TNFRSF10B: variants seen among roughly 807,000 people sequenced by gnomAD.
TNFRSF10B encodes tumor necrosis factor receptor superfamily member 10B.
In TNFRSF10B, 35 loss-of-function variants were observed where a neutral mutation model predicts 41.4. The observed-to-expected ratio is 0.85, with a 90% CI of 0.65 to 1.12. The LOEUF (loss-of-function observed/expected upper bound fraction) is 1.12. TNFRSF10B is among the 50% of genes most tolerant of loss of function. The pLI, the probability that TNFRSF10B is intolerant of heterozygous loss-of-function variation, is 0.00. For synonymous variants in TNFRSF10B, 230 were observed against 215.5 expected, an observed-to-expected ratio of 1.07 and a Z score of -0.59; for missense variants, 584 against 552.7, an observed-to-expected ratio of 1.06 and a Z score of -0.57.
Position 23,037,573 on chromosome 8 carries a change from G to T in TNFRSF10B, c.250+5565C>A, listed in dbSNP as rs528402012. ...ACAGTCATGGTATTCACACAGCATT[G>T]CTTCTGATTGAGGGACTCACTTGAT... is the stretch of plus-strand genomic sequence containing the variant. On this transcript the variant is annotated intron_variant, in intron 2 of 8. Coordinates refer to ENST00000276431, the MANE Select transcript of TNFRSF10B (RefSeq NM_003842.5). 9.8e-5 allele frequency among the ~76,000 whole-genome samples: 15 copies of T among 152,298 alleles called. No individual in the cohort carries two copies. In the South Asian group the frequency reaches 3.1e-3, roughly 32 times the overall value.
rs567370509 is a variant in TNFRSF10B at position 23,027,502 on chromosome 8, C to T, written c.781-214G>A. On this transcript the variant is annotated intron_variant, in intron 6 of 8. Coordinates refer to ENST00000276431, the MANE Select transcript of TNFRSF10B (RefSeq NM_003842.5). ...AGACACCCCATCCCTAGGGTGCAGGCTGTGGGGTGAGGATGTCACCTGGGC... is the reference window on the plus strand; with the variant it reads ...AGACACCCCATCCCTAGGGTGCAGGTTGTGGGGTGAGGATGTCACCTGGGC... 6.4e-4 allele frequency: 501 copies of T among 783,794 alleles called. 2 individuals carry two copies. The highest frequency in any genetic ancestry group is 8.8e-4 in the South Asian group (52 of 59,194). The allele number at this position is 783,794 out of a possible 1,614,324, so 48.6% of individuals were successfully genotyped here. A position where few individuals can be genotyped will look rare whatever the true frequency, so the allele number is the denominator to read the frequency against.
chr8:23,024,069 G>T, intron 8 of TNFRSF10B, 119 bp downstream of exon 8: 1 of 1,294,182 alleles, frequency 7.7e-7, no homozygotes. Flanking sequence ...TATAGCACAG[G>T]ACCCACGGCT....
Position 23,022,492 on chromosome 8 carries a change from C to T in TNFRSF10B, c.*179G>A. The T allele has an allele frequency of 1.4e-6, 1 of 716,406 alleles. No individual in the cohort carries two copies. The highest frequency in any genetic ancestry group is 2.5e-6 in the Non-Finnish European group (1 of 400,164). 44.4% of individuals were successfully genotyped at this position (716,406 alleles called of 1,614,324 possible). A position where few individuals can be genotyped will look rare whatever the true frequency, so the allele number is the denominator to read the frequency against. ...TCACATTCAGCTTATAAAAATAATGCCAAGTGCAGTGAAAAGTTACAGGAT... is the reference window on the plus strand; with the variant it reads ...TCACATTCAGCTTATAAAAATAATGTCAAGTGCAGTGAAAAGTTACAGGAT... On this transcript the variant is annotated 3_prime_UTR_variant, in exon 9 of 9. Coordinates refer to ENST00000276431, the MANE Select transcript of TNFRSF10B (RefSeq NM_003842.5).
chr8:23,034,450 G>A (rs1811971468), intron 2 of TNFRSF10B, among the ~76,000 whole-genome samples: 1 of 152,162 alleles, frequency 6.6e-6, no homozygotes, highest in African/African-American at 2.4e-5. Context: ...ATACCAGATG[G>A]GCATGGTGGC....
intron 1 of TNFRSF10B, among the ~76,000 whole-genome samples, chr8:23,059,082 C>A (rs952557563): frequency 3.3e-5 from 5 of 152,116 alleles, no homozygotes; most frequent in Non-Finnish European, 7.3e-5. Flanking sequence ...CATTAGGTAC[C>A]TCAAGTGGAA....
Position 23,022,502 on chromosome 8 carries a change from T to G in TNFRSF10B, c.*169A>C. ...CTTATAAAAATAATGCCAAGTGCAGTGAAAAGTTACAGGATGTTCCATCCA... is the reference window on the plus strand; with the variant it reads ...CTTATAAAAATAATGCCAAGTGCAGGGAAAAGTTACAGGATGTTCCATCCA... On this transcript the variant is annotated 3_prime_UTR_variant, in exon 9 of 9. Coordinates refer to ENST00000276431, the MANE Select transcript of TNFRSF10B (RefSeq NM_003842.5). The G allele has an allele frequency of 1.3e-6, 1 of 741,208 alleles. No individual in the cohort carries two copies. 45.9% of individuals were successfully genotyped at this position (741,208 alleles called of 1,614,324 possible).
chr8:23,022,511 A>G lies in TNFRSF10B; in HGVS notation c.*160T>C, dbSNP rs1416910504. The G allele has an allele frequency of 2.6e-6, 2 of 766,058 alleles. No homozygotes were observed. Among genetic ancestry groups the G allele is most frequent in the Non-Finnish European group, 4.5e-6 (2 of 442,540 alleles). 47.5% of individuals were successfully genotyped at this position (766,058 alleles called of 1,614,324 possible). On this transcript the variant is annotated 3_prime_UTR_variant, in exon 9 of 9. Transcript: ENST00000276431. Reference sequence around the variant, plus strand: ...ATAATGCCAAGTGCAGTGAAAAGTTACAGGATGTTCCATCCACTGGGTGAT... The same window carrying G: ...ATAATGCCAAGTGCAGTGAAAAGTTGCAGGATGTTCCATCCACTGGGTGAT...
At chr8:23,060,144 A>G (rs1455027244) in intron 1 of TNFRSF10B, among the ~76,000 whole-genome samples, 1 of 150,942 alleles carries the variant, frequency 6.6e-6, no homozygotes, top group Non-Finnish European at 1.5e-5. Context: ...CTGATTTTCA[A>G]GAAGTCCAAA....
intron 8 of TNFRSF10B, among the ~76,000 whole-genome samples, chr8:23,023,385 AC>A (rs983690598): frequency 2.0e-5 from 3 of 152,180 alleles, no homozygotes; most frequent in African/African-American, 7.2e-5. Context: ...CAGGGCGGCC[AC>A]TTCTGCATCT....
At chr8:23,040,502 T>A (rs891510709) in intron 2 of TNFRSF10B, among the ~76,000 whole-genome samples, 1 of 146,626 alleles carries the variant, frequency 6.8e-6, no homozygotes, top group East Asian at 2.0e-4. Context: ...GAAAATATAT[T>A]TTAAAATATG....
chr8:23,063,712 C>T (rs1012419853), intron 1 of TNFRSF10B, among the ~76,000 whole-genome samples: 4 of 152,188 alleles, frequency 2.6e-5, no homozygotes, highest in Non-Finnish European at 5.9e-5. Flanking sequence ...GGACCCATCC[C>T]GAATGCTGTC....
chr8:23,032,841 A>G (rs1811919140), intron 2 of TNFRSF10B, among the ~76,000 whole-genome samples: 1 of 152,262 alleles, frequency 6.6e-6, no homozygotes, highest in South Asian at 2.1e-4. Flanking sequence ...TTTAAAAAAC[A>G]TTTGTCTGCA....
chr8:23,059,529 C>T (rs965026578), intron 1 of TNFRSF10B, among the ~76,000 whole-genome samples: 3 of 147,542 alleles, frequency 2.0e-5, no homozygotes, highest in Non-Finnish European at 4.5e-5. Context: ...TTTTTTGAGA[C>T]AGAGTCTCGT....
intron 4 of TNFRSF10B, 36 bp downstream of exon 4, chr8:23,029,574 C>G: frequency 6.3e-7 from 1 of 1,577,462 alleles, no homozygotes; most frequent in Non-Finnish European, 8.6e-7. Context: ...TTTGGGGTTC[C>G]ATGGAGCTAC....
intron 2 of TNFRSF10B, among the ~76,000 whole-genome samples, chr8:23,034,666 C>T (rs774634030): frequency 5.3e-5 from 8 of 152,186 alleles, no homozygotes; most frequent in Non-Finnish European, 1.0e-4. Flanking sequence ...GTTCAAGCTG[C>T]AGTGTGCTAT....
chr8:23,049,789 ATTGGGCAGCGAGATTCACCTGCATCTTC>A (rs1812467858), intron 1 of TNFRSF10B: 1 of 152,104 alleles, frequency 6.6e-6, no homozygotes, highest in African/African-American at 2.4e-5. Context: ...GCATCTCATT[ATTGGGCAGCGAGATTCACCTGCATCTTC>A]TTATTGGGCA....
chr8:23,048,450 A>C (rs1023173021), intron 1 of TNFRSF10B, among the ~76,000 whole-genome samples: 4 of 151,532 alleles, frequency 2.6e-5, no homozygotes, highest in East Asian at 1.9e-4. Context: ...AAAAAAAAAA[A>C]AAAAAACAAC....
chr8:23,038,571 T>C (rs1475695596), intron 2 of TNFRSF10B, among the ~76,000 whole-genome samples: 3 of 152,228 alleles, frequency 2.0e-5, no homozygotes, highest in African/African-American at 7.2e-5. Context: ...ATTTATATCA[T>C]AGTATTTAAG....
intron 1 of TNFRSF10B, among the ~76,000 whole-genome samples, chr8:23,044,705 A>G (rs1032063269): frequency 1.3e-5 from 2 of 152,146 alleles, no homozygotes; most frequent in African/African-American, 4.8e-5. Flanking sequence ...TACAAGACTT[A>G]ATGTTGTACC....
Sources: gnomAD v4.1 joint callset for allele counts (sites outside exome capture counted in the v4.1 genomes callset) on GRCh38, gnomAD v4.1.1 for gene constraint, MANE v1.5 for transcripts, NCBI Gene and HGNC (gene_info 2026-07-23, HGNC 2026-07-21) for gene names.